Variants in FLNC observed in about 807,000 individuals in gnomAD.
FLNC encodes the protein filamin-C.
FLNC carries 91 observed loss-of-function variants against 254.3 expected under a neutral mutation model. The ratio of observed to expected loss-of-function variants is 0.36; its 90% CI spans 0.30 to 0.43. The LOEUF is 0.43. FLNC is among the 20% of genes least tolerant of loss of function. The pLI is 1.00. For missense variants in FLNC, 2,853 were observed against 3,802.6 expected (o/e 0.75, Z 6.57); for synonymous variants, 1,430 against 1,577.2 (o/e 0.91, Z 2.21).
Position 128,835,569 on chromosome 7 carries a change from C to T in FLNC, c.596C>T (p.Ala199Val). 3 of 1,613,046 alleles carry T rather than the reference C, an allele frequency of 1.9e-6. No individual in the cohort carries two copies. The highest frequency in any genetic ancestry group is 4.5e-5 in the East Asian group (2 of 44,872). ...KALGALVDNC[A>V]PGLCPDWEAW... is the part of the protein sequence containing the mutation. ...CTGGGCGCCCTGGTGGACAACTGCGCCCCCGGTGAGTGGGCCAGTGAGCAC... is the reference window on the plus strand; with the variant it reads ...CTGGGCGCCCTGGTGGACAACTGCGTCCCCGGTGAGTGGGCCAGTGAGCAC... Residue 199 changes from alanine (A) to valine (V), a missense_variant, in exon 2 of 48, where the codon GCC becomes GTC. Physicochemically the swap from Ala to Val is moderately conservative, Grantham distance 64. Coordinates refer to ENST00000325888, the MANE Select transcript of FLNC (RefSeq NM_001458.5). This position sits in a 1 kb window ranked among gnomAD's most constrained non-coding sequence, Gnocchi z 5.3.
In FLNC at chr7:128,842,514, G is replaced by A. The variant is rs867653114; in HGVS notation, c.2266-61G>A. ...GTGCCACTGAGGCTGGGCCGGGTGCGCTGGGCAGGAGGATGAGCCTTGAGG... is the reference window on the plus strand; with the variant it reads ...GTGCCACTGAGGCTGGGCCGGGTGCACTGGGCAGGAGGATGAGCCTTGAGG... On this transcript the variant is annotated intron_variant, in intron 14 of 47. Transcript: ENST00000325888. This position sits in a 1 kb window ranked among gnomAD's most constrained non-coding sequence, Gnocchi z 5.4. The A allele has an allele frequency of 5.8e-6, 9 of 1,552,130 alleles. No homozygotes were observed. The highest frequency in any genetic ancestry group is 3.5e-5 in the South Asian group (3 of 85,150).
rs542105844 is a variant in FLNC at position 128,848,996 on chromosome 7, C to A, written c.4927+14C>A. 2.5e-6 allele frequency: 4 copies of A among 1,609,000 alleles called. No homozygotes were observed. The Admixed American group carries it at 6.7e-5, about 27-fold the overall frequency. On this transcript the variant is annotated intron_variant, in intron 28 of 47. Coordinates refer to ENST00000325888, the MANE Select transcript of FLNC (RefSeq NM_001458.5). Reference sequence around the variant, plus strand: ...GCCTCGTCACAGGTGGGTGCCCACCCGCTGCCCGTGCCCTGCTCACCACCC... The same window carrying A: ...GCCTCGTCACAGGTGGGTGCCCACCAGCTGCCCGTGCCCTGCTCACCACCC...
chr7:128,844,285 G>A lies in FLNC; in HGVS notation c.3192+19G>A, dbSNP rs1162838049. The A allele has an allele frequency of 1.9e-6, 3 of 1,593,362 alleles. No individual in the cohort carries two copies. The highest frequency in any genetic ancestry group is 2.6e-6 in the Non-Finnish European group (3 of 1,168,232). On this transcript the variant is annotated intron_variant, in intron 20 of 47. Coordinates refer to ENST00000325888, the MANE Select transcript of FLNC (RefSeq NM_001458.5). ...CTCCAAGGTGAGGAGATAGGAGCTG[G>A]TTGGGGCTGGGAGTTGGGGACTTGT... is the stretch of plus-strand genomic sequence containing the variant.
rs1808401890 is a variant in FLNC at position 128,842,935 on chromosome 7, T to C, written c.2531T>C (p.Met844Thr). 2.5e-6 allele frequency: 4 copies of C among 1,613,984 alleles called. No homozygotes were observed. The highest frequency in any genetic ancestry group is 3.4e-6 in the Non-Finnish European group (4 of 1,180,018). Residue 844 changes from methionine (M) to threonine (T), a missense_variant, in exon 16 of 48, where the codon ATG (methionine) becomes ACG (threonine). Met to Thr is a moderately conservative substitution (Grantham distance 81). Around this residue, in one of 10 missense-constraint regions of FLNC, gnomAD observed 1,573 missense variants for 1,883.5 expected, o/e 0.84. Coordinates refer to ENST00000325888, the MANE Select transcript of FLNC (RefSeq NM_001458.5). The surrounding 1 kb of genome is among the most constrained non-coding windows in gnomAD (Gnocchi z 5.4). ...CCAGGGGCGGGCCGCTACACCATCA[T>C]GGTGCTGTTTGCCAACCAGGTACCT... is the stretch of plus-strand genomic sequence containing the variant. Reference protein sequence around the residue: ...TPPGAGRYTIMVLFANQEIPA... With the variant: ...TPPGAGRYTITVLFANQEIPA...
chr7:128,845,403 C>A (rs1047840687), intron 21 of FLNC, 148 bp downstream of exon 21: 36 of 730,262 alleles, frequency 4.9e-5, no homozygotes, highest in Non-Finnish European at 7.2e-5. Context: ...TCCTTACTGG[C>A]CCAGAAACCC....
At chr7:128,845,583 G>A (rs1356568057) in intron 21 of FLNC, among the ~76,000 whole-genome samples, 2 of 152,160 alleles carry the variant, frequency 1.3e-5, no homozygotes, top group Non-Finnish European at 2.9e-5. Context: ...CACGGGGAAA[G>A]CTTTGGGGTA....
Position 128,842,514 on chromosome 7 carries a change from G to C in FLNC, c.2266-61G>C. Reference sequence around the variant, plus strand: ...GTGCCACTGAGGCTGGGCCGGGTGCGCTGGGCAGGAGGATGAGCCTTGAGG... The same window carrying C: ...GTGCCACTGAGGCTGGGCCGGGTGCCCTGGGCAGGAGGATGAGCCTTGAGG... On this transcript the variant is annotated intron_variant, in intron 14 of 47. Transcript: ENST00000325888. The surrounding 1 kb of genome is among the most constrained non-coding windows in gnomAD (Gnocchi z 5.4). 1 of 1,552,248 alleles carries C rather than the reference G, an allele frequency of 6.4e-7. No homozygotes were observed. Among genetic ancestry groups the C allele is most frequent in the Non-Finnish European group, 8.7e-7 (1 of 1,148,154 alleles).
intron 1 of FLNC, among the ~76,000 whole-genome samples, chr7:128,833,559 G>T (rs1807974983): frequency 6.6e-6 from 1 of 152,138 alleles, no homozygotes; most frequent in East Asian, 1.9e-4. Context: ...AGGGCCAGTT[G>T]CTGGGGAGAA....
chr7:128,841,619 G>A lies in FLNC; in HGVS notation c.2121+52G>A. 7.0e-7 allele frequency: 1 copy of A among 1,420,944 alleles called. No homozygotes were observed. The highest frequency in any genetic ancestry group is 1.0e-6 in the Non-Finnish European group (1 of 1,003,982). 88.0% of individuals were successfully genotyped at this position (1,420,944 alleles called of 1,614,324 possible). A position where few individuals can be genotyped will look rare whatever the true frequency, so the allele number is the denominator to read the frequency against. ...CCTTACTACCCATGGCAGGGACCCT[G>A]GAAGGCAGGGCCAGGCCAGAGGCAG... is the stretch of plus-strand genomic sequence containing the variant. On this transcript the variant is annotated intron_variant, in intron 13 of 47. Coordinates refer to ENST00000325888, the MANE Select transcript of FLNC (RefSeq NM_001458.5). This position sits in a 1 kb window ranked among gnomAD's most constrained non-coding sequence, Gnocchi z 4.3.
intron 42 of FLNC, 25 bp downstream of exon 42, chr7:128,854,937 G>C: frequency 6.2e-7 from 1 of 1,612,746 alleles, no homozygotes; most frequent in Non-Finnish European, 8.5e-7. Flanking sequence ...TGGCAGTGGG[G>C]CTGGGCCTGC....
Position 128,835,253 on chromosome 7 carries a change from A to T in FLNC, c.353-73A>T. The T allele has an allele frequency of 1.2e-6, 2 of 1,605,654 alleles. No homozygotes were observed. Among genetic ancestry groups the T allele is most frequent in the Non-Finnish European group, 8.5e-7 (1 of 1,175,588 alleles). ...AGAGCTCTGGCCCGAGGAGCTGCGC[A>T]GGTGAGGGAGGGTGCTCTGGGGCAG... is the stretch of plus-strand genomic sequence containing the variant. On this transcript the variant is annotated intron_variant, in intron 1 of 47. Transcript: ENST00000325888. The surrounding 1 kb of genome is among the most constrained non-coding windows in gnomAD (Gnocchi z 5.3).
chr7:128,837,779 G>A, intron 5 of FLNC, 24 bp downstream of exon 5: 1 of 1,549,866 alleles, frequency 6.5e-7, no homozygotes, highest in Non-Finnish European at 8.7e-7. Context: ...GCTGGGGACA[G>A]AGGGATTCAC....
chr7:128,841,343 C>G lies in FLNC; in HGVS notation c.1987C>G (p.Pro663Ala). The part of the protein sequence containing the change: ...PFIAHILPAP[P>A]DCFPDKVKAF... ...CATTGCCCACATCCTGCCCGCCCCA[C>G]CTGACTGCTTCCCAGATAAGGTGTG... is the stretch of plus-strand genomic sequence containing the variant. The change falls in exon 12 of 48, where the codon CCT becomes GCT. Residue 663 changes from proline (P) to alanine (A), a missense_variant. Physicochemically the swap from Pro to Ala is conservative, Grantham distance 27 (BLOSUM62 -1). Coordinates refer to ENST00000325888, the MANE Select transcript of FLNC (RefSeq NM_001458.5). The surrounding 1 kb of genome is among the most constrained non-coding windows in gnomAD (Gnocchi z 4.3). The G allele has an allele frequency of 6.2e-7, 1 of 1,614,036 alleles. No homozygotes were observed. The highest frequency in any genetic ancestry group is 8.5e-7 in the Non-Finnish European group (1 of 1,180,014).
chr7:128,855,397 G>A (rs890520277), intron 43 of FLNC, 83 bp downstream of exon 43: 1 of 898,666 alleles, frequency 1.1e-6, no homozygotes, highest in South Asian at 1.3e-5. Flanking sequence ...ATGGGGCCAG[G>A]GATTTAGCAG....
Position 128,849,428 on chromosome 7 carries a change from C to T in FLNC, c.5049C>T (p.Ser1683=). 2 of 1,614,196 alleles carry T rather than the reference C, an allele frequency of 1.2e-6. No homozygotes were observed. Among genetic ancestry groups the T allele is most frequent in the Non-Finnish European group, 1.7e-6 (2 of 1,180,036 alleles). ...AGEGKVTCTV[S]TPDGAELDVD... is the part of the protein sequence containing the mutation. ...AGGGGAAGGTGACATGCACGGTGTC[C>T]ACGCCGGATGGGGCAGAGCTCGATG... The change falls in exon 30 of 48, where the codon TCC becomes TCT. Residue 1683 remains serine, a synonymous_variant. Coordinates refer to ENST00000325888, the MANE Select transcript of FLNC (RefSeq NM_001458.5).
rs534446197 is a variant in FLNC at position 128,851,061 on chromosome 7, G to A, written c.5539+118G>A. On this transcript the variant is annotated intron_variant, in intron 33 of 47. Transcript: ENST00000325888. Reference sequence around the variant, plus strand: ...AGCACCCGCTGTGTGCAGACACCAGGCGAGGCCCCAGGGAGGCTTATACCC... The same window carrying A: ...AGCACCCGCTGTGTGCAGACACCAGACGAGGCCCCAGGGAGGCTTATACCC... 9 of 1,525,756 alleles carry A rather than the reference G, an allele frequency of 5.9e-6. 1 individual carries two copies. In the Admixed American group the frequency reaches 1.2e-4, roughly 20 times the overall value. The allele number at this position is 1,525,756 out of a possible 1,614,324, so 94.5% of individuals were successfully genotyped here. A position where few individuals can be genotyped will look rare whatever the true frequency, so the allele number is the denominator to read the frequency against.
intron 24 of FLNC, among the ~76,000 whole-genome samples, 190 bp downstream of exon 24, chr7:128,847,095 GC>G (rs1393798990): frequency 2.6e-5 from 4 of 152,236 alleles, no homozygotes; most frequent in Non-Finnish European, 5.9e-5. Context: ...TGATGTGACA[GC>G]CCCCCTAGTC....
In FLNC at chr7:128,849,860, G is replaced by T. The variant is rs1017474663; in HGVS notation, c.5200-116G>T. 24 of 847,112 alleles carry T rather than the reference G, an allele frequency of 2.8e-5. No individual in the cohort carries two copies. The Admixed American group carries it at 4.8e-4, about 17-fold the overall frequency. 52.5% of individuals were successfully genotyped at this position (847,112 alleles called of 1,614,324 possible). A position where few individuals can be genotyped will look rare whatever the true frequency, so the allele number is the denominator to read the frequency against. ...CCATCTCCCCAGAGGCTGCCCTGCA[G>T]GAGGATGAACACCCAAATTATCACC... On this transcript the variant is annotated intron_variant, in intron 30 of 47. Coordinates refer to ENST00000325888, the MANE Select transcript of FLNC (RefSeq NM_001458.5).
intron 28 of FLNC, 69 bp from the exon 29 acceptor site, chr7:128,849,112 C>T: frequency 6.4e-7 from 1 of 1,566,240 alleles, no homozygotes; most frequent in Non-Finnish European, 8.7e-7. Flanking sequence ...CCCCTCCCTC[C>T]CTCACCCCCG....
Sources: gnomAD v4.1 joint callset for allele counts (sites outside exome capture counted in the v4.1 genomes callset) on GRCh38, gnomAD v4.1.1 for gene constraint, gnomAD v4.1.1 regional missense constraint, Gnocchi (gnomAD v3.1) non-coding constraint, MANE v1.5 for transcripts, NCBI Gene and HGNC (gene_info 2026-07-23, HGNC 2026-07-21) for gene names.